Variants in NEBL observed in about 807,000 individuals in gnomAD.
The protein encoded by NEBL is nebulette, also known as LIM and SH3 protein 2.
A neutral mutation model predicts 140.2 loss-of-function variants in NEBL; 122 were observed. That is an observed-to-expected ratio of 0.87 (90% CI 0.75 to 1.01). The LOEUF (loss-of-function observed/expected upper bound fraction) is 1.01. Among genes scored for constraint, NEBL ranks in the 50% least tolerant of loss-of-function variants. NEBL has a pLI of 0.00. For synonymous variants in NEBL, 436 were observed against 398.9 expected (o/e 1.09, Z -1.11); for missense variants, 1,365 against 1,231.3 (o/e 1.11, Z -1.62).
At position 20,844,298 on chromosome 10, in the gene NEBL, C is replaced by T. The variant is rs968211023; in HGVS notation, c.1227+960G>A. ...TCCTTCAGGAATAGTTTCCTCAGTT[C>T]AAAAATTCAAAATGAAATGAAATTT... On this transcript the variant is annotated intron_variant, in intron 12 of 27. Coordinates refer to ENST00000377122, the MANE Select transcript of NEBL (RefSeq NM_006393.3). Among the ~76,000 whole-genome samples, 4 of 151,406 alleles carry T rather than the reference C, an allele frequency of 2.6e-5. No homozygotes were observed. The South Asian group carries it at 6.2e-4, about 24-fold the overall frequency.
intron 16 of NEBL, among the ~76,000 whole-genome samples, chr10:20,829,279 C>T (rs1840173690): frequency 6.6e-6 from 1 of 152,008 alleles, no homozygotes. Flanking sequence ...AGTTCATGTC[C>T]TTTGTAGGGA....
At chr10:21,026,953 A>T (rs1192862196) in intron 2 of NEBL, among the ~76,000 whole-genome samples, 1 of 152,194 alleles carries the variant, frequency 6.6e-6, no homozygotes, top group African/African-American at 2.4e-5. Flanking sequence ...ACCCATGGGC[A>T]CTAAGTCTCT....
At chr10:21,181,325 T>A (rs1589318336) in intron 3 of NEBL, among the ~76,000 whole-genome samples, 3 of 144,512 alleles carry the variant, frequency 2.1e-5, no homozygotes, top group Admixed American at 6.9e-5. Context: ...TCCCGGAGCC[T>A]AAAGTAAAAT....
intron 4 of NEBL, among the ~76,000 whole-genome samples, chr10:20,886,187 AT>A (rs200672631): frequency 0.019 from 2,831 of 152,128 alleles, 83 homozygotes; most frequent in African/African-American, 0.064. Context: ...CTTAAAAAAA[AT>A]TTTTTTTAAT....
chr10:21,008,086 G>A (rs1470705700), intron 3 of NEBL, among the ~76,000 whole-genome samples: 5 of 152,066 alleles, frequency 3.3e-5, no homozygotes, highest in Admixed American at 6.5e-5. Context: ...AGACTTTCCC[G>A]AACATTGTCC....
intron 2 of NEBL, among the ~76,000 whole-genome samples, chr10:21,087,840 A>G (rs942039200): frequency 2.6e-5 from 4 of 152,240 alleles, no homozygotes; most frequent in Non-Finnish European, 5.9e-5. Flanking sequence ...AAAATGACTT[A>G]CGTGGAAATT....
At chr10:20,857,133 A>C (rs1843157978) in intron 9 of NEBL, among the ~76,000 whole-genome samples, 1 of 152,198 alleles carries the variant, frequency 6.6e-6, no homozygotes, top group South Asian at 2.1e-4. Context: ...AGAAAAAAAT[A>C]AACTTTTAAA....
chr10:21,136,908 T>C (rs1839381446), intron 2 of NEBL, among the ~76,000 whole-genome samples: 1 of 152,192 alleles, frequency 6.6e-6, no homozygotes, highest in African/African-American at 2.4e-5. Flanking sequence ...GAGTCATGGA[T>C]TGGTAGAATT....
intron 4 of NEBL, among the ~76,000 whole-genome samples, chr10:20,926,827 C>T (rs1444279627): frequency 6.6e-6 from 1 of 152,170 alleles, no homozygotes; most frequent in Non-Finnish European, 1.5e-5. Flanking sequence ...AAACACAGAT[C>T]GGTTTCAATT....
chr10:21,179,899 A>G (rs2132203660), upstream of NEBL, among the ~76,000 whole-genome samples: 1 of 152,296 alleles, frequency 6.6e-6, no homozygotes, highest in East Asian at 1.9e-4. Context: ...GCACTTTGGG[A>G]GGCCAAGGCA....
intron 2 of NEBL, among the ~76,000 whole-genome samples, chr10:21,038,310 GT>G: frequency 6.6e-6 from 1 of 152,200 alleles, no homozygotes; most frequent in Non-Finnish European, 1.5e-5. Flanking sequence ...CGTTATCTAG[GT>G]TTTAAGCCCT....
intron 2 of NEBL, among the ~76,000 whole-genome samples, chr10:21,122,990 G>A (rs1838649350): frequency 6.6e-6 from 1 of 152,158 alleles, no homozygotes; most frequent in Non-Finnish European, 1.5e-5. Flanking sequence ...AAGATACTCA[G>A]TAAAATCATT....
chr10:21,203,526 C>T (rs2132229131), intron 3 of NEBL, among the ~76,000 whole-genome samples: 2 of 152,274 alleles, frequency 1.3e-5, no homozygotes, highest in Admixed American at 1.3e-4. Context: ...TTTGGTGGAA[C>T]AGCAGCAAAT....
chr10:20,909,246 A>ATT (rs1026623656), intron 4 of NEBL, among the ~76,000 whole-genome samples: 34 of 141,562 alleles, frequency 2.4e-4, no homozygotes, highest in East Asian at 8.2e-4. Flanking sequence ...CGTTCATTCT[A>ATT]TTTTTTTTTT....
chr10:20,881,978 G>A (rs915095307), intron 4 of NEBL, among the ~76,000 whole-genome samples: 1 of 152,174 alleles, frequency 6.6e-6, no homozygotes, highest in Non-Finnish European at 1.5e-5. Flanking sequence ...GTCAAGGAGA[G>A]AGACTTGCTC....
At chr10:21,266,496 C>T (rs544601401) in intron 1 of NEBL, among the ~76,000 whole-genome samples, 23 of 152,302 alleles carry the variant, frequency 1.5e-4, no homozygotes, top group African/African-American at 5.1e-4. Flanking sequence ...ACTGACTTAG[C>T]GAATACTCAA....
In NEBL at chr10:21,097,569, A is replaced by G. The variant is rs1211458066; in HGVS notation, c.164+74814T>C. Among the ~76,000 whole-genome samples the G allele has an allele frequency of 2.0e-5, 3 of 152,186 alleles. No homozygotes were observed. The East Asian group carries it at 5.8e-4, about 29-fold the overall frequency. On this transcript the variant is annotated intron_variant, in intron 2 of 6. Coordinates refer to the NEBL transcript ENST00000417816. ...ATGGCTTAAATGAGTCATTTTGTATATTGCCAGGCCCTGGGCTCTGCCTGT... is the reference window on the plus strand; with the variant it reads ...ATGGCTTAAATGAGTCATTTTGTATGTTGCCAGGCCCTGGGCTCTGCCTGT...
intron 3 of NEBL, among the ~76,000 whole-genome samples, chr10:21,015,599 C>A (rs1345522237): frequency 7.9e-5 from 12 of 152,312 alleles, no homozygotes; most frequent in African/African-American, 2.9e-4. Flanking sequence ...CAGCCTCCAA[C>A]TCCTGGGCTC....
Position 20,825,691 on chromosome 10 carries a change from A to G in NEBL, c.1869+756T>C, listed in dbSNP as rs549494564. The stretch of plus-strand genomic sequence containing the variant: ...AAAAAAAAAAGAAACTCAATGTACT[A>G]AATATACATGGGAGAATATCAAATT... On this transcript the variant is annotated intron_variant, in intron 18 of 27. Transcript: ENST00000377122. 9.2e-5 allele frequency among the ~76,000 whole-genome samples: 14 copies of G among 152,178 alleles called. No homozygotes were observed. In the South Asian group the frequency reaches 2.9e-3, roughly 32 times the overall value.
Sources: allele counts gnomAD v4.1 joint callset (sites outside exome capture counted in the v4.1 genomes callset), GRCh38; gene constraint gnomAD v4.1.1; transcripts MANE v1.5; gene names NCBI Gene and HGNC (gene_info 2026-07-23, HGNC 2026-07-21).